LIPM: variants seen among roughly 807,000 people sequenced by gnomAD.
LIPM encodes lipase member M.
LIPM carries 42 observed loss-of-function variants against 42.4 expected under a neutral mutation model. That is an observed-to-expected ratio of 0.99 (90% CI 0.77 to 1.28). The LOEUF is 1.28. Among genes scored for constraint, LIPM ranks in the 50% most tolerant of loss-of-function variants. The pLI is 0.00. For missense variants in LIPM, 524 were observed against 520.1 expected (o/e 1.01, Z -0.07); for synonymous variants, 177 against 173.3 (o/e 1.02, Z -0.17).
chr10:88,817,848 G>A lies in LIPM; in HGVS notation c.954G>A (p.Arg318=), dbSNP rs1287068846. Residue 318 remains arginine, a synonymous_variant, in exon 8 of 9, where the codon CGG becomes CGA. Coordinates refer to ENST00000404743, the MANE Select transcript of LIPM (RefSeq NM_001128215.1). ...WSQAVNSGEL[R]AFDWGSETKN... Reference sequence around the variant, plus strand: ...AGGCAGTGAATTCTGGTGAACTCCGGGCATTTGACTGGGGGAGTGAGACCA... The same window carrying A: ...AGGCAGTGAATTCTGGTGAACTCCGAGCATTTGACTGGGGGAGTGAGACCA... 2 of 1,551,260 alleles carry A rather than the reference G, an allele frequency of 1.3e-6. No individual in the cohort carries two copies. The highest frequency in any genetic ancestry group is 1.4e-5 in the African/African-American group (1 of 72,998).
At chr10:88,815,252 T>C (rs1843704888) in intron 5 of LIPM, 28 bp downstream of exon 5, 1 of 1,547,708 alleles carries the variant, frequency 6.5e-7, no homozygotes, top group Non-Finnish European at 8.7e-7. Flanking sequence ...AAACTTCCTG[T>C]GTACGTAGAA....
intron 8 of LIPM, among the ~76,000 whole-genome samples, chr10:88,819,226 G>A (rs1389076627): frequency 1.3e-5 from 2 of 152,070 alleles, no homozygotes; most frequent in African/African-American, 2.4e-5. Context: ...TTAATGGACT[G>A]AGTTCTAGAG....
At position 88,820,443 on chromosome 10, in the gene LIPM, A is replaced by T. The variant is rs1589319644; in HGVS notation, c.1214A>T (p.His405Leu). 10 of 1,552,010 alleles carry T rather than the reference A, an allele frequency of 6.4e-6. 1 individual carries two copies. The East Asian group carries it at 2.4e-4, about 38-fold the overall frequency. The change falls in exon 9 of 9, where the codon CAT becomes CTT. Residue 405 changes from histidine to leucine, a missense_variant. Transcript: ENST00000404743. ...APHRMYNEIIHLMQQEETNLS... is the reference protein window; with the variant it reads ...APHRMYNEIILLMQQEETNLS... ...CACCGTATGTACAATGAAATCATCC[A>T]TCTGATGCAGCAGGAGGAGACCAAC...
At position 88,815,222 on chromosome 10, in the gene LIPM, A is replaced by G. The variant is rs928469563; in HGVS notation, c.709A>G (p.Lys237Glu). 15 of 1,551,196 alleles carry G rather than the reference A, an allele frequency of 9.7e-6. No homozygotes were observed. Among genetic ancestry groups the G allele is most frequent in the Non-Finnish European group, 1.2e-5 (14 of 1,146,918 alleles). The stretch of plus-strand genomic sequence containing the variant: ...TTTGTTGCTGCCAGATATGATGATC[A>G]AGGTATGAGACTCCTCAGAAAACTT... ...KFLLLPDMMIKGLFGKKEFLY... is the reference protein window; with the variant it reads ...KFLLLPDMMIEGLFGKKEFLY... Residue 237 changes from lysine (K) to glutamate (E), a missense_variant and splice_region_variant, in exon 5 of 9, where the codon AAG becomes GAG. Lys to Glu is a moderately conservative substitution (Grantham distance 56). Coordinates refer to ENST00000404743, the MANE Select transcript of LIPM (RefSeq NM_001128215.1).
At chr10:88,807,529 C>T (rs1323604512) in intron 1 of LIPM, among the ~76,000 whole-genome samples, 1 of 152,142 alleles carries the variant, frequency 6.6e-6, no homozygotes, top group African/African-American at 2.4e-5. Flanking sequence ...CAGAGAATGT[C>T]TACATGTAAC....
chr10:88,806,861 T>G (rs1480474636), intron 1 of LIPM, among the ~76,000 whole-genome samples: 6 of 152,086 alleles, frequency 3.9e-5, no homozygotes, highest in African/African-American at 1.4e-4. Context: ...ATTTTTTTTA[T>G]TATTATTTTA....
chr10:88,809,333 ATTG>A (rs1390686575), intron 2 of LIPM, among the ~76,000 whole-genome samples: 1 of 152,090 alleles, frequency 6.6e-6, no homozygotes, highest in Non-Finnish European at 1.5e-5. Context: ...ATTTTCAGCT[ATTG>A]TTATTTTTTA....
At chr10:88,812,614 G>A (rs1034063883) in intron 2 of LIPM, among the ~76,000 whole-genome samples, 5 of 151,772 alleles carry the variant, frequency 3.3e-5, no homozygotes, top group African/African-American at 1.2e-4. Context: ...TAATTATTTT[G>A]ATGCTCAATA....
chr10:88,815,057 T>C (rs777167218), intron 4 of LIPM, 31 bp from the exon 5 acceptor site: 3 of 1,512,304 alleles, frequency 2.0e-6, no homozygotes, highest in South Asian at 1.3e-5. Flanking sequence ...AAATATTTCG[T>C]ATTCATGTTG....
intron 1 of LIPM, among the ~76,000 whole-genome samples, chr10:88,803,357 C>T (rs1843550307): frequency 6.6e-6 from 1 of 152,148 alleles, no homozygotes; most frequent in Non-Finnish European, 1.5e-5. Context: ...TCACCCCAGT[C>T]CCTTGATTAT....
chr10:88,804,905 G>C (rs1279208313), intron 1 of LIPM, among the ~76,000 whole-genome samples: 1 of 152,202 alleles, frequency 6.6e-6, no homozygotes, highest in African/African-American at 2.4e-5. Flanking sequence ...TTCAGTAAAA[G>C]ATTACTGTCT....
chr10:88,802,970 A>T lies in LIPM; in HGVS notation c.74A>T (p.Tyr25Phe), dbSNP rs1430842145. The T allele has an allele frequency of 6.4e-7, 1 of 1,551,392 alleles. No homozygotes were observed. Among genetic ancestry groups the T allele is most frequent in the Admixed American group, 2.0e-5 (1 of 50,982 alleles). ...MEMWLLILVA[Y>F]MFQRNVNSVH... is the part of the protein sequence containing the mutation. ...ATGTGGCTTCTGATTCTGGTGGCGT[A>T]TATGTTCCAGAGAAATGTGAATTCA... Residue 25 changes from tyrosine (Y) to phenylalanine (F), a missense_variant, in exon 1 of 9, where the codon TAT becomes TTT. Coordinates refer to ENST00000404743, the MANE Select transcript of LIPM (RefSeq NM_001128215.1).
intron 1 of LIPM, among the ~76,000 whole-genome samples, chr10:88,803,619 GTTTT>G (rs34653288): frequency 8.2e-5 from 10 of 122,104 alleles, no homozygotes; most frequent in Admixed American, 6.2e-4. Flanking sequence ...TTCCCAGGAG[GTTTT>G]TTTTTTTTTT....
intron 4 of LIPM, 85 bp downstream of exon 4, chr10:88,814,724 G>A: frequency 2.0e-6 from 2 of 1,015,710 alleles, no homozygotes; most frequent in African/African-American, 1.6e-5. Flanking sequence ...GTCACCTTGT[G>A]CTTCCTTCAG....
intron 3 of LIPM, among the ~76,000 whole-genome samples, chr10:88,813,564 G>T (rs1293943315): frequency 6.6e-6 from 1 of 151,752 alleles, no homozygotes; most frequent in Non-Finnish European, 1.5e-5. Context: ...GAGAAGTGTA[G>T]ATCAATTTCC....
rs1266323015 is a variant in LIPM, at chr10:88,820,464, C to G, written c.1235C>G (p.Thr412Ser). ...EIIHLMQQEE[T>S]NLSQGRCEAV... ...ATCCATCTGATGCAGCAGGAGGAGACCAACCTTTCCCAGGGACGGTGTGAG... is the reference window on the plus strand; with the variant it reads ...ATCCATCTGATGCAGCAGGAGGAGAGCAACCTTTCCCAGGGACGGTGTGAG... The change falls in exon 9 of 9, where the codon ACC becomes AGC. Residue 412 changes from threonine (T) to serine (S), a missense_variant. Coordinates refer to ENST00000404743, the MANE Select transcript of LIPM (RefSeq NM_001128215.1). The G allele has an allele frequency of 6.4e-7, 1 of 1,551,524 alleles. No individual in the cohort carries two copies.
chr10:88,812,038 C>T (rs1177419089), intron 2 of LIPM, among the ~76,000 whole-genome samples: 1 of 152,158 alleles, frequency 6.6e-6, no homozygotes, highest in Non-Finnish European at 1.5e-5. Flanking sequence ...TACATTTGGC[C>T]ACCAAGTCTG....
At position 88,802,836 on chromosome 10, in the gene LIPM, T is replaced by C; in HGVS notation, c.-61T>C. 1 of 1,481,236 alleles carries C rather than the reference T, an allele frequency of 6.8e-7. No individual in the cohort carries two copies. The highest frequency in any genetic ancestry group is 9.0e-7 in the Non-Finnish European group (1 of 1,109,976). The allele number at this position is 1,481,236 out of a possible 1,614,324, so 91.8% of individuals were successfully genotyped here. A position where few individuals can be genotyped will look rare whatever the true frequency, so the allele number is the denominator to read the frequency against. ...GTGAAGAGTTTTTAAACCCACAAAT[T>C]CTTCTTACTTTAGAATTAGTTGTTA... On this transcript the variant is annotated 5_prime_UTR_variant, in exon 1 of 9. Transcript: ENST00000404743.
intron 6 of LIPM, 102 bp downstream of exon 6, chr10:88,815,605 AT>A: frequency 9.8e-7 from 1 of 1,021,904 alleles, no homozygotes; most frequent in South Asian, 1.6e-5. Context: ...ACTCAGAGTA[AT>A]GATATATTCT....
Sources: allele counts gnomAD v4.1 joint callset (sites outside exome capture counted in the v4.1 genomes callset), GRCh38; gene constraint gnomAD v4.1.1; transcripts MANE v1.5; gene names NCBI Gene and HGNC (gene_info 2026-07-23, HGNC 2026-07-21).